Variants in DGKD observed in about 807,000 individuals in gnomAD.
DGKD encodes the protein diacylglycerol kinase delta.
DGKD carries 68 observed loss-of-function variants against 154.4 expected under a neutral mutation model. The ratio of observed to expected loss-of-function variants is 0.44; its 90% CI spans 0.36 to 0.54. The LOEUF (loss-of-function observed/expected upper bound fraction) is 0.54. DGKD is among the 20% of genes least tolerant of loss of function. DGKD has a pLI of 0.00. For missense variants in DGKD, 1,343 were observed against 1,593.6 expected, an observed-to-expected ratio of 0.84 and a Z score of 2.68; for synonymous variants, 693 against 638.0, an observed-to-expected ratio of 1.09 and a Z score of -1.30.
At chr2:233,399,259 C>G (rs2061498623) in intron 3 of DGKD, among the ~76,000 whole-genome samples, 1 of 152,210 alleles carries the variant, frequency 6.6e-6, no homozygotes, top group Admixed American at 6.5e-5. Context: ...CATGGCTTTA[C>G]ACCAAGTTCC....
At chr2:233,381,846 T>C (rs1198622412) in intron 1 of DGKD, among the ~76,000 whole-genome samples, 1 of 152,244 alleles carries the variant, frequency 6.6e-6, no homozygotes, top group Non-Finnish European at 1.5e-5. Flanking sequence ...TCTTATTTGT[T>C]AACTGGAATA....
At chr2:233,370,570 CTTTTTTTT>C (rs56301429) in intron 1 of DGKD, among the ~76,000 whole-genome samples, 1 of 123,344 alleles carries the variant, frequency 8.1e-6, no homozygotes, top group Admixed American at 8.4e-5. Flanking sequence ...AGAACTTCTT[CTTTTTTTT>C]TTTTTTTTTT....
intron 1 of DGKD, among the ~76,000 whole-genome samples, chr2:233,387,033 C>T (rs1459720206): frequency 6.6e-6 from 1 of 152,212 alleles, no homozygotes; most frequent in East Asian, 1.9e-4. Flanking sequence ...TTTCTGCAGC[C>T]TTCCCTGTTC....
chr2:233,424,934 T>C (rs1298081522), intron 3 of DGKD, among the ~76,000 whole-genome samples: 1 of 152,214 alleles, frequency 6.6e-6, no homozygotes, highest in Non-Finnish European at 1.5e-5. Flanking sequence ...GTCTCCAGTA[T>C]GTCTCCTTTT....
chr2:233,356,682 A>C (rs1701545802), intron 1 of DGKD, among the ~76,000 whole-genome samples: 1 of 152,164 alleles, frequency 6.6e-6, no homozygotes, highest in Admixed American at 6.5e-5. Context: ...TAGACTGTTA[A>C]AAATACACCC....
At chr2:233,416,084 C>T (rs975091782) in intron 3 of DGKD, among the ~76,000 whole-genome samples, 4 of 152,186 alleles carry the variant, frequency 2.6e-5, no homozygotes, top group Non-Finnish European at 4.4e-5. Flanking sequence ...AAACACAATA[C>T]GATGACATCA....
chr2:233,451,882 T>A (rs1381365632), intron 17 of DGKD, 82 bp from the exon 18 acceptor site: 1 of 1,136,650 alleles, frequency 8.8e-7, no homozygotes, highest in Non-Finnish European at 1.3e-6. Context: ...AGAATACCGG[T>A]CCACCAGCTT....
intron 3 of DGKD, among the ~76,000 whole-genome samples, chr2:233,402,914 G>A (rs2061593936): frequency 6.6e-6 from 1 of 152,180 alleles, no homozygotes; most frequent in Admixed American, 6.5e-5. Context: ...TCCCTACTCT[G>A]GGAGACTTCT....
At chr2:233,406,199 G>A (rs901425990) in intron 3 of DGKD, among the ~76,000 whole-genome samples, 1 of 152,090 alleles carries the variant, frequency 6.6e-6, no homozygotes, top group Non-Finnish European at 1.5e-5. Flanking sequence ...ACAGACACCT[G>A]TCCTTGGATT....
At chr2:233,426,128 C>T (rs949182895) in intron 3 of DGKD, among the ~76,000 whole-genome samples, 2 of 152,178 alleles carry the variant, frequency 1.3e-5, no homozygotes, top group Admixed American at 1.3e-4. Flanking sequence ...TTTTCATAAA[C>T]GTTGAAAATC....
At chr2:233,453,390 ATC>A (rs747668094) in intron 18 of DGKD, among the ~76,000 whole-genome samples, 6 of 151,594 alleles carry the variant, frequency 4.0e-5, no homozygotes, top group Non-Finnish European at 7.4e-5. Context: ...TCTCCGTTGG[ATC>A]TCTCTCTTTT....
At position 233,452,918 on chromosome 2, in the gene DGKD, G is replaced by A. The variant is rs1462062738; in HGVS notation, c.2264+858G>A. ...CAGAGGCTCTGGGTTTGGGAAAGTG[G>A]ACCCCTAGATTCCAGGTGCTGGCCT... On this transcript the variant is annotated intron_variant, in intron 18 of 29. Coordinates refer to ENST00000264057, the MANE Select transcript of DGKD (RefSeq NM_152879.3). This position sits in a 1 kb window ranked among gnomAD's most constrained non-coding sequence, Gnocchi z 4.0. 1.3e-5 allele frequency among the ~76,000 whole-genome samples: 2 copies of A among 152,124 alleles called. No individual in the cohort carries two copies. The highest frequency in any genetic ancestry group is 4.1e-4 in the South Asian group (2 of 4,822).
intron 3 of DGKD, among the ~76,000 whole-genome samples, chr2:233,411,601 TGAA>T: frequency 6.6e-6 from 1 of 152,358 alleles, no homozygotes; most frequent in East Asian, 1.9e-4. Flanking sequence ...ACATGTGTTG[TGAA>T]TGTTTTTCTC....
At chr2:233,395,924 G>T (rs1703993879) in intron 3 of DGKD, among the ~76,000 whole-genome samples, 2 of 152,068 alleles carry the variant, frequency 1.3e-5, no homozygotes, top group African/African-American at 2.4e-5. Flanking sequence ...ATTACTGAGG[G>T]TTTAGTCACA....
intron 6 of DGKD, 123 bp downstream of exon 6, chr2:233,436,047 G>A (rs2062683017): frequency 8.8e-7 from 1 of 1,138,946 alleles, no homozygotes; most frequent in Non-Finnish European, 1.2e-6. Flanking sequence ...ACTGGCATTG[G>A]GTGGCACAGT....
intron 1 of DGKD, chr2:233,379,834 T>A (rs1021152211): frequency 6.6e-6 from 1 of 152,212 alleles, no homozygotes; most frequent in Admixed American, 6.5e-5. Context: ...TAATAACCTG[T>A]ATTTTGTTTT....
Position 233,458,663 on chromosome 2 carries a change from G to C in DGKD, c.2694+266G>C, listed in dbSNP as rs1290491997. Among the ~76,000 whole-genome samples, 1 of 150,378 alleles carries C rather than the reference G, an allele frequency of 6.6e-6. No homozygotes were observed. Among genetic ancestry groups the C allele is most frequent in the Non-Finnish European group, 1.5e-5 (1 of 67,756 alleles). On this transcript the variant is annotated intron_variant, in intron 22 of 29. Coordinates refer to ENST00000264057, the MANE Select transcript of DGKD (RefSeq NM_152879.3). The surrounding 1 kb of genome is among the most constrained non-coding windows in gnomAD (Gnocchi z 6.6). Reference sequence around the variant, plus strand: ...GTCTTGCTCTGTTGCCCAGGCTGGAGTGCAGTGGTGCAATCTCGGCTTGCT... The same window carrying C: ...GTCTTGCTCTGTTGCCCAGGCTGGACTGCAGTGGTGCAATCTCGGCTTGCT...
At chr2:233,463,984 C>T in intron 26 of DGKD, 180 bp from the exon 27 acceptor site, 1 of 758,082 alleles carries the variant, frequency 1.3e-6, no homozygotes, top group Non-Finnish European at 2.1e-6. Context: ...ACCAGCACTA[C>T]TTAGAAAGTG....
chr2:233,467,418 G>A (rs141693183), intron 28 of DGKD, among the ~76,000 whole-genome samples: 116 of 152,276 alleles, frequency 7.6e-4, no homozygotes, highest in African/African-American at 2.7e-3. Context: ...CGGCCCTGAC[G>A]TGCTCTCTGG....
Sources: allele counts gnomAD v4.1 joint callset (sites outside exome capture counted in the v4.1 genomes callset), GRCh38; gene constraint gnomAD v4.1.1; non-coding constraint Gnocchi (gnomAD v3.1); transcripts MANE v1.5; gene names NCBI Gene and HGNC (gene_info 2026-07-23, HGNC 2026-07-21).